The following LUZP2 variants were observed in gnomAD, a reference collection of about 807,000 sequenced individuals.
The protein encoded by LUZP2 is leucine zipper protein 2.
A neutral mutation model predicts 51.6 loss-of-function variants in LUZP2; 52 were observed. That is an observed-to-expected ratio of 1.01 (90% confidence interval 0.81 to 1.27). LUZP2 has a LOEUF of 1.27. LUZP2 is among the 50% of genes most tolerant of loss of function. The pLI is 0.00. For synonymous variants in LUZP2, 154 were observed against 137.3 expected (o/e 1.12, Z -0.85); for missense variants, 436 against 395.4 (o/e 1.10, Z -0.87).
chr11:24,964,078 C>A (rs962908613), intron 7 of LUZP2, among the ~76,000 whole-genome samples: 21 of 152,286 alleles, frequency 1.4e-4, no homozygotes, highest in African/African-American at 5.1e-4. Context: ...TTTGAGAAAC[C>A]TCCATATGGT....
At chr11:25,057,061 C>T (rs1372348775) in intron 10 of LUZP2, among the ~76,000 whole-genome samples, 1 of 152,024 alleles carries the variant, frequency 6.6e-6, no homozygotes, top group Non-Finnish European at 1.5e-5. Flanking sequence ...GATCGTGCCA[C>T]TGCACTTTGA....
intron 9 of LUZP2, among the ~76,000 whole-genome samples, chr11:25,026,516 C>G (rs946999264): frequency 1.4e-5 from 2 of 146,858 alleles, no homozygotes; most frequent in African/African-American, 4.8e-5. Flanking sequence ...AGAACTTAAG[C>G]TTATTGCCTT....
chr11:24,890,967 G>C (rs1590695692), intron 5 of LUZP2: 1 of 955,120 alleles, frequency 1.0e-6, no homozygotes, highest in Non-Finnish European at 1.2e-6. Flanking sequence ...TACAACTGCA[G>C]TGAAATGGCA....
chr11:24,969,265 G>C (rs1474303667), intron 7 of LUZP2, among the ~76,000 whole-genome samples: 1 of 151,958 alleles, frequency 6.6e-6, no homozygotes, highest in African/African-American at 2.4e-5. Context: ...TGGAGTATTT[G>C]GTTTTCTGTT....
chr11:24,792,643 A>G (rs1057060854), intron 5 of LUZP2, among the ~76,000 whole-genome samples: 8 of 152,172 alleles, frequency 5.3e-5, no homozygotes, highest in Admixed American at 4.6e-4. Context: ...GCCAAGTAGT[A>G]AAAAGGAGAG....
intron 5 of LUZP2, among the ~76,000 whole-genome samples, chr11:24,833,703 CGCG>C: frequency 7.5e-5 from 1 of 13,254 alleles, no homozygotes; most frequent in Non-Finnish European, 2.2e-4. Context: ...CGCCTGCCAC[CGCG>C]CGCGCGCACA....
chr11:24,894,635 T>C (rs1277921767), intron 5 of LUZP2, among the ~76,000 whole-genome samples: 1 of 151,690 alleles, frequency 6.6e-6, no homozygotes, highest in African/African-American at 2.4e-5. Context: ...CCCTGGTATC[T>C]ATTATCCTTA....
chr11:24,601,924 AT>A lies in LUZP2; in HGVS notation c.62+104620del, dbSNP rs1281879215. ...TATATGTATATATGTATATATGTAT[AT>A]ATATGTATATATGTATATATGTATA... On this transcript the variant is annotated intron_variant, in intron 1 of 11. Transcript: ENST00000336930. Among the ~76,000 whole-genome samples, 1,300 of 139,030 alleles carry A rather than the reference AT, an allele frequency of 9.4e-3. 28 individuals carry two copies. Among genetic ancestry groups the A allele is most frequent in the African/African-American group, 0.033 (1,239 of 37,258 alleles). The allele number at this position is 139,030 out of a possible 152,430, so 91.2% of individuals were successfully genotyped here. A position where few individuals can be genotyped will look rare whatever the true frequency, so the allele number is the denominator to read the frequency against.
chr11:24,681,830 T>C (rs1319515141), intron 1 of LUZP2, among the ~76,000 whole-genome samples: 1 of 152,174 alleles, frequency 6.6e-6, no homozygotes, highest in East Asian at 1.9e-4. Context: ...GCATCACAAA[T>C]CTAATTTAAT....
intron 5 of LUZP2, among the ~76,000 whole-genome samples, chr11:24,803,801 G>A (rs1307247636): frequency 6.6e-6 from 1 of 152,006 alleles, no homozygotes; most frequent in African/African-American, 2.4e-5. Flanking sequence ...TGGAAGACTA[G>A]CATAGTGTAT....
intron 7 of LUZP2, among the ~76,000 whole-genome samples, chr11:24,963,952 A>G (rs796812041): frequency 6.6e-6 from 1 of 152,178 alleles, no homozygotes; most frequent in Non-Finnish European, 1.5e-5. Flanking sequence ...TATTGTAGAT[A>G]TTGCTGCAAT....
intron 1 of LUZP2, among the ~76,000 whole-genome samples, chr11:24,628,345 A>G (rs1032644254): frequency 1.3e-4 from 20 of 152,192 alleles, no homozygotes; most frequent in Admixed American, 4.6e-4. Flanking sequence ...AAAATGTAAC[A>G]ATGTACTATG....
chr11:24,760,032 T>G (rs573456524), intron 4 of LUZP2, among the ~76,000 whole-genome samples: 62 of 152,244 alleles, frequency 4.1e-4, no homozygotes, highest in Admixed American at 5.2e-4. Flanking sequence ...GCAGGACAAC[T>G]TGAAGTGGTG....
At chr11:25,007,376 G>C (rs1856862116) in intron 9 of LUZP2, among the ~76,000 whole-genome samples, 1 of 152,180 alleles carries the variant, frequency 6.6e-6, no homozygotes, top group African/African-American at 2.4e-5. Context: ...GCTGAGGTGG[G>C]CAAATCACTT....
intron 5 of LUZP2, among the ~76,000 whole-genome samples, chr11:24,897,646 A>G (rs2133771863): frequency 6.6e-6 from 1 of 152,310 alleles, no homozygotes; most frequent in South Asian, 2.1e-4. Context: ...AACTCTGGAC[A>G]CACATATTTA....
chr11:24,512,223 C>G (rs1850334093), intron 1 of LUZP2, among the ~76,000 whole-genome samples: 1 of 152,102 alleles, frequency 6.6e-6, no homozygotes, highest in Non-Finnish European at 1.5e-5. Flanking sequence ...TTGTCACAGG[C>G]TGAAAAAACA....
chr11:25,030,893 A>ATATATATATAATATATTGTAT (rs1565254129), intron 9 of LUZP2, among the ~76,000 whole-genome samples: 1 of 40,084 alleles, frequency 2.5e-5, no homozygotes, highest in African/African-American at 2.5e-4. Flanking sequence ...TATATATATT[A>ATATATATATAATATATTGTAT]TATATATATA....
intron 9 of LUZP2, among the ~76,000 whole-genome samples, chr11:25,018,309 C>A (rs1857224599): frequency 6.6e-6 from 1 of 152,046 alleles, no homozygotes; most frequent in Non-Finnish European, 1.5e-5. Context: ...TTTCTCTTGG[C>A]TGATTGTTCT....
intron 5 of LUZP2, among the ~76,000 whole-genome samples, chr11:24,828,864 G>A (rs1850616492): frequency 6.6e-6 from 1 of 152,132 alleles, no homozygotes; most frequent in Admixed American, 6.5e-5. Context: ...TTTTAACTTA[G>A]GATTTCTAAA....
Sources: allele counts gnomAD v4.1 joint callset (sites outside exome capture counted in the v4.1 genomes callset), GRCh38; gene constraint gnomAD v4.1.1; transcripts MANE v1.5; gene names NCBI Gene and HGNC (gene_info 2026-07-23, HGNC 2026-07-21).